ANK3: variants seen among roughly 807,000 people sequenced by gnomAD.
ANK3 encodes the protein ankyrin 3, also known as ankyrin-3.
In ANK3, 57 loss-of-function variants were observed where a neutral mutation model predicts 370.9. The ratio of observed to expected loss-of-function variants is 0.15; its 90% CI spans 0.12 to 0.19. ANK3 has a LOEUF of 0.19. Ranked by LOEUF, ANK3 falls within the 10% of genes least tolerant of loss-of-function variation. The pLI is 1.00. For missense variants in ANK3, 4,439 were observed against 5,302.1 expected, an observed-to-expected ratio of 0.84 and a Z score of 5.06; for synonymous variants, 1,929 against 1,946.3, an observed-to-expected ratio of 0.99 and a Z score of 0.23.
intron 2 of ANK3, among the ~76,000 whole-genome samples, chr10:60,580,386 A>G (rs1481710662): frequency 6.6e-6 from 1 of 152,196 alleles, no homozygotes; most frequent in African/African-American, 2.4e-5. Flanking sequence ...TATAAACACC[A>G]TGGTTTCTTT....
intron 2 of ANK3, among the ~76,000 whole-genome samples, chr10:60,464,648 T>C (rs1323232300): frequency 2.0e-5 from 3 of 152,240 alleles, no homozygotes; most frequent in African/African-American, 7.2e-5. Context: ...ATTTTTGCTC[T>C]ATTTCTAGCT....
At chr10:60,454,282 T>G (rs2133045339) in intron 2 of ANK3, among the ~76,000 whole-genome samples, 1 of 152,292 alleles carries the variant, frequency 6.6e-6, no homozygotes, top group East Asian at 1.9e-4. Context: ...CTGTATACAC[T>G]GGAAAATGAG....
intron 7 of ANK3, among the ~76,000 whole-genome samples, chr10:60,240,153 T>C (rs192898513): frequency 4.0e-4 from 53 of 132,206 alleles, no homozygotes; most frequent in South Asian, 7.0e-4. Context: ...CACATATATA[T>C]ACATATATAC....
At chr10:60,529,159 G>A (rs2076546070) in intron 2 of ANK3, among the ~76,000 whole-genome samples, 1 of 152,118 alleles carries the variant, frequency 6.6e-6, no homozygotes, top group South Asian at 2.1e-4. Context: ...GCTCTCCCGA[G>A]ATAAAGTGGG....
At chr10:60,709,307 ATAT>A (rs2079666991) in intron 1 of ANK3, among the ~76,000 whole-genome samples, 1 of 151,472 alleles carries the variant, frequency 6.6e-6, no homozygotes, top group Non-Finnish European at 1.5e-5. Context: ...ATCTATATCT[ATAT>A]CTATATCTAT....
At chr10:60,553,157 G>A (rs772286033) in intron 2 of ANK3, among the ~76,000 whole-genome samples, 1 of 152,138 alleles carries the variant, frequency 6.6e-6, no homozygotes, top group Non-Finnish European at 1.5e-5. Flanking sequence ...CGTCTAAATG[G>A]CAAACTTCCC....
chr10:60,478,479 C>T (rs1289612509), intron 2 of ANK3, among the ~76,000 whole-genome samples: 1 of 151,968 alleles, frequency 6.6e-6, no homozygotes, highest in African/African-American at 2.4e-5. Flanking sequence ...AATCTGACAG[C>T]AAATATTTAA....
At chr10:60,492,549 T>C (rs556974081) in intron 2 of ANK3, among the ~76,000 whole-genome samples, 1 of 150,014 alleles carries the variant, frequency 6.7e-6, no homozygotes, top group South Asian at 2.1e-4. Context: ...TAACCAAAAA[T>C]ACAAAAAATT....
At chr10:60,692,494 T>C (rs1199258763) in intron 1 of ANK3, among the ~76,000 whole-genome samples, 1 of 152,240 alleles carries the variant, frequency 6.6e-6, no homozygotes, top group Non-Finnish European at 1.5e-5. Flanking sequence ...AAAACTGATC[T>C]ATTAAGAATG....
chr10:60,459,428 G>A (rs191181137), intron 2 of ANK3, among the ~76,000 whole-genome samples: 1 of 152,252 alleles, frequency 6.6e-6, no homozygotes, highest in East Asian at 1.9e-4. Flanking sequence ...AATGGATGTG[G>A]TGAGGCACTC....
intron 1 of ANK3, among the ~76,000 whole-genome samples, chr10:60,311,013 G>T (rs1400652738): frequency 6.6e-6 from 1 of 152,146 alleles, no homozygotes; most frequent in Non-Finnish European, 1.5e-5. Flanking sequence ...AAAGGATGAA[G>T]GGGGATTGGG....
Position 60,343,419 on chromosome 10 carries a change from C to T in ANK3, c.114+46006G>A, listed in dbSNP as rs369141577. 4.6e-5 allele frequency among the ~76,000 whole-genome samples: 7 copies of T among 152,130 alleles called. No individual in the cohort carries two copies. In the South Asian group the frequency reaches 6.2e-4, roughly 14 times the overall value. On this transcript the variant is annotated intron_variant, in intron 1 of 43. Coordinates refer to ENST00000280772, the MANE Select transcript of ANK3 (RefSeq NM_020987.5). ...AGACTTAGGAATTTAAAGTTATAAA[C>T]GTAATCTCTGGAAGAACCAAAATTT...
chr10:60,196,322 G>T, intron 15 of ANK3, 79 bp from the exon 16 acceptor site: 1 of 1,282,588 alleles, frequency 7.8e-7, no homozygotes, highest in South Asian at 1.3e-5. Context: ...AATGAAATTA[G>T]ATTGGATACG....
At chr10:60,519,348 C>G (rs2076297560) in intron 2 of ANK3, among the ~76,000 whole-genome samples, 1 of 152,068 alleles carries the variant, frequency 6.6e-6, no homozygotes, top group Non-Finnish European at 1.5e-5. Flanking sequence ...CAGGAAAAAT[C>G]CATGTTCAGG....
intron 42 of ANK3, among the ~76,000 whole-genome samples, chr10:60,046,431 G>A (rs1164438471): frequency 6.6e-6 from 1 of 152,180 alleles, no homozygotes; most frequent in East Asian, 1.9e-4. Context: ...CTATTGGGCA[G>A]GTACTGAATG....
chr10:60,317,548 T>A (rs940846586), intron 1 of ANK3, among the ~76,000 whole-genome samples: 6 of 152,100 alleles, frequency 3.9e-5, no homozygotes, highest in African/African-American at 1.4e-4. Flanking sequence ...TATCTATTTT[T>A]AAAAAATCAC....
intron 36 of ANK3, 60 bp downstream of exon 36, chr10:60,080,476 AG>A: frequency 6.8e-7 from 1 of 1,474,060 alleles, no homozygotes; most frequent in Non-Finnish European, 9.4e-7. Context: ...TGGTTTGTAT[AG>A]AAAAAATGTC....
chr10:60,364,903 A>G (rs2059183306), intron 1 of ANK3, among the ~76,000 whole-genome samples: 1 of 151,928 alleles, frequency 6.6e-6, no homozygotes, highest in Admixed American at 6.6e-5. Context: ...TATATTTCCA[A>G]AGGGTAAAGA....
intron 1 of ANK3, among the ~76,000 whole-genome samples, chr10:60,646,316 T>C (rs964453177): frequency 1.3e-5 from 2 of 152,124 alleles, no homozygotes; most frequent in African/African-American, 4.8e-5. Flanking sequence ...CTTGGAAGTG[T>C]TCTATGCAAA....
Sources: allele counts gnomAD v4.1 joint callset (sites outside exome capture counted in the v4.1 genomes callset), GRCh38; gene constraint gnomAD v4.1.1; transcripts MANE v1.5; gene names NCBI Gene and HGNC (gene_info 2026-07-23, HGNC 2026-07-21).